Variants in SEC14L5 observed in about 807,000 individuals in gnomAD.
SEC14L5 encodes the protein SEC14-like protein 5.
SEC14L5 carries 96 observed loss-of-function variants against 84.6 expected under a neutral mutation model. The ratio of observed to expected loss-of-function variants is 1.13; its 90% confidence interval spans 0.96 to 1.34. SEC14L5 has a LOEUF of 1.34. Among genes scored for constraint, SEC14L5 ranks in the 40% most tolerant of loss-of-function variants. The pLI is 0.00. For missense variants in SEC14L5, 1,224 were observed against 942.5 expected (o/e 1.30, Z -3.91); for synonymous variants, 546 against 383.4 (o/e 1.42, Z -4.95).
Position 4,971,853 on chromosome 16 carries a change from G to A in SEC14L5, c.63+12467G>A, listed in dbSNP as rs78944815. Among the ~76,000 whole-genome samples the A allele has an allele frequency of 2.1e-3, 325 of 152,186 alleles. 3 individuals carry two copies. The highest frequency in any genetic ancestry group is 7.4e-3 in the African/African-American group (306 of 41,514). On this transcript the variant is annotated intron_variant, in intron 2 of 15. Coordinates refer to ENST00000251170, the MANE Select transcript of SEC14L5 (RefSeq NM_014692.2). Reference sequence around the variant, plus strand: ...TTCCTTTGAGAAATATTGGCTGAACGTCTACAATGTCCCAGGTGTTGTACA... The same window carrying A: ...TTCCTTTGAGAAATATTGGCTGAACATCTACAATGTCCCAGGTGTTGTACA...
At position 4,972,611 on chromosome 16, in the gene SEC14L5, T is replaced by A. The variant is rs74005427; in HGVS notation, c.63+13225T>A. ...AGTTGTCCTTTTGTCTCTGGCTCGT[T>A]TCACTGGACACAATGTCTTCCAGGT... On this transcript the variant is annotated intron_variant, in intron 2 of 15. Coordinates refer to ENST00000251170, the MANE Select transcript of SEC14L5 (RefSeq NM_014692.2). Among the ~76,000 whole-genome samples the A allele has an allele frequency of 9.0e-3, 1,368 of 152,336 alleles. 16 individuals carry two copies. Among genetic ancestry groups the A allele is most frequent in the African/African-American group, 0.031 (1,286 of 41,578 alleles).
chr16:4,981,771 C>T (rs1011124207), intron 2 of SEC14L5, among the ~76,000 whole-genome samples: 4 of 152,288 alleles, frequency 2.6e-5, no homozygotes, highest in East Asian at 3.9e-4. Flanking sequence ...GAGACATATA[C>T]GCACTTTCCA....
In SEC14L5 at chr16:5,014,913, C is replaced by A. The variant is rs537226718; in HGVS notation, c.2034C>A (p.Ala678=). The change falls in exon 16 of 16, where the codon GCC becomes GCA. Residue 678 remains alanine (A), a synonymous_variant. Transcript: ENST00000251170. ...CCAGCGGCTTCTCCCAGCTCAGCGCCGCCACCTCGTCCTCCTCCTCCGGCC... is the reference window on the plus strand; with the variant it reads ...CCAGCGGCTTCTCCCAGCTCAGCGCAGCCACCTCGTCCTCCTCCTCCGGCC... ...SCTSGFSQLS[A]ATSSSSSGQS... The A allele has an allele frequency of 6.2e-7, 1 of 1,613,362 alleles. No individual in the cohort carries two copies. Among genetic ancestry groups the A allele is most frequent in the Non-Finnish European group, 8.5e-7 (1 of 1,179,894 alleles).
At position 4,959,371 on chromosome 16, in the gene SEC14L5, T is replaced by A. The variant is rs746885604; in HGVS notation, c.48T>A (p.Phe16Leu). ...QSPVRVYKYP[F>L]ELVMAAYEKR... ...CTGTCCGAGTCTACAAGTACCCGTT[T>A]GAGCTGGTCATGGCGGTGAGTGACT... Residue 16 changes from phenylalanine to leucine, a missense_variant, in exon 2 of 16, where the codon TTT becomes TTA. By Grantham distance (22) the Phe-to-Leu change is conservative (BLOSUM62 0). Coordinates refer to ENST00000251170, the MANE Select transcript of SEC14L5 (RefSeq NM_014692.2). The A allele has an allele frequency of 6.2e-7, 1 of 1,612,158 alleles. No individual in the cohort carries two copies. Among genetic ancestry groups the A allele is most frequent in the Non-Finnish European group, 8.5e-7 (1 of 1,178,154 alleles).
chr16:5,015,743 G>GT lies in SEC14L5; in HGVS notation c.*774dup, dbSNP rs1405509721. The GT allele has an allele frequency of 1.3e-5, 2 of 152,324 alleles. No individual in the cohort carries two copies. The highest frequency in any genetic ancestry group is 2.9e-5 in the Non-Finnish European group (2 of 68,078). The allele number at this position is 152,324 out of a possible 1,614,324, so 9.4% of individuals were successfully genotyped here. The stretch of plus-strand genomic sequence containing the variant: ...TGATTGCATAACGTTCTGTTATGCA[G>GT]TATCAAGATGTGCTTGGTGAGCAGT... On this transcript the variant is annotated 3_prime_UTR_variant, in exon 16 of 16. Transcript: ENST00000251170.
chr16:5,001,617 CA>C (rs1390645970), intron 10 of SEC14L5, among the ~76,000 whole-genome samples: 1 of 152,142 alleles, frequency 6.6e-6, no homozygotes, highest in Non-Finnish European at 1.5e-5. Context: ...TCTGTCATGG[CA>C]CATCCAGGAA....
chr16:4,959,798 G>A (rs1568095920), intron 2 of SEC14L5, among the ~76,000 whole-genome samples: 1 of 152,280 alleles, frequency 6.6e-6, no homozygotes, highest in African/African-American at 2.4e-5. Context: ...TCCAATTCCC[G>A]ATAGCTGTTA....
At chr16:5,002,935 G>C in intron 10 of SEC14L5, among the ~76,000 whole-genome samples, 1 of 152,208 alleles carries the variant, frequency 6.6e-6, no homozygotes, top group East Asian at 1.9e-4. Flanking sequence ...TTTGCAATCA[G>C]ACCTTGGTGA....
chr16:4,961,984 G>GACAC (rs369403043), intron 2 of SEC14L5, among the ~76,000 whole-genome samples: 1 of 151,406 alleles, frequency 6.6e-6, no homozygotes, highest in African/African-American at 2.4e-5. Flanking sequence ...GAGGCAAACA[G>GACAC]ACACACACAC....
intron 8 of SEC14L5, 22 bp from the exon 9 acceptor site, chr16:5,000,632 TC>T (rs1314761506): frequency 6.5e-7 from 1 of 1,535,426 alleles, no homozygotes; most frequent in Non-Finnish European, 8.8e-7. Context: ...GGCTCTTCTT[TC>T]TGCTTGGCCC....
rs374961657 is a variant in SEC14L5 at position 4,990,799 on chromosome 16, C to T, written c.378C>T (p.Phe126=). The T allele has an allele frequency of 6.0e-5, 96 of 1,611,620 alleles. No individual in the cohort carries two copies. The Middle Eastern group carries it at 6.6e-4, about 11-fold the overall frequency. ...CTGAGAATGAAGACTGGACTTGCTTCGAGCAGTCTGCCTCACTGGACATTC... is the reference window on the plus strand; with the variant it reads ...CTGAGAATGAAGACTGGACTTGCTTTGAGCAGTCTGCCTCACTGGACATTC... ...VHPENEDWTC[F]EQSASLDIRS... The change falls in exon 5 of 16, where the codon TTC becomes TTT. Residue 126 remains phenylalanine (F), a synonymous_variant. Coordinates refer to ENST00000251170, the MANE Select transcript of SEC14L5 (RefSeq NM_014692.2).
In SEC14L5 at chr16:5,006,058, C is replaced by T. The variant is rs200745350; in HGVS notation, c.1437+10C>T. On this transcript the variant is annotated intron_variant, in intron 12 of 15. Coordinates refer to ENST00000251170, the MANE Select transcript of SEC14L5 (RefSeq NM_014692.2). ...TGGGGGAGAGAGTGTGGTGAGGCTT[C>T]CATGTCCACAGACAGACCTGGGCTT... 178 of 1,612,996 alleles carry T rather than the reference C, an allele frequency of 1.1e-4. No individual in the cohort carries two copies. The African/African-American group carries it at 2.1e-3, about 19-fold the overall frequency.
At chr16:5,008,732 G>C (rs924109707) in intron 14 of SEC14L5, 84 bp downstream of exon 14, 4 of 1,216,580 alleles carry the variant, frequency 3.3e-6, no homozygotes, top group Non-Finnish European at 3.5e-6. Context: ...ATACAGCGGA[G>C]GACATACTGG....
intron 2 of SEC14L5, among the ~76,000 whole-genome samples, chr16:4,971,728 T>G (rs1255903531): frequency 6.6e-6 from 1 of 152,198 alleles, no homozygotes; most frequent in Non-Finnish European, 1.5e-5. Context: ...AGACCGGTAC[T>G]TATGTGACTT....
intron 15 of SEC14L5, among the ~76,000 whole-genome samples, chr16:5,013,637 C>T (rs995647655): frequency 2.1e-5 from 3 of 144,770 alleles, no homozygotes; most frequent in African/African-American, 7.7e-5. Flanking sequence ...CTACTCACTG[C>T]AACCTCCGCC....
In SEC14L5 at chr16:5,000,020, G is replaced by C. The variant is rs143467470; in HGVS notation, c.971-635G>C. ...CAAAAAGTATTATGGGGCCAGCTGCGGTGGCTCATGCCTGTGATCCCAACA... is the reference window on the plus strand; with the variant it reads ...CAAAAAGTATTATGGGGCCAGCTGCCGTGGCTCATGCCTGTGATCCCAACA... On this transcript the variant is annotated intron_variant, in intron 8 of 15. Transcript: ENST00000251170. Among the ~76,000 whole-genome samples, 443 of 152,174 alleles carry C rather than the reference G, an allele frequency of 2.9e-3. 3 individuals carry two copies. The highest frequency in any genetic ancestry group is 9.9e-3 in the African/African-American group (413 of 41,538).
intron 2 of SEC14L5, among the ~76,000 whole-genome samples, chr16:4,969,299 G>C (rs1244093280): frequency 6.6e-6 from 1 of 152,098 alleles, no homozygotes; most frequent in Non-Finnish European, 1.5e-5. Context: ...TTGAGTTTTT[G>C]CTGTGTGCCG....
intron 2 of SEC14L5, among the ~76,000 whole-genome samples, chr16:4,974,427 C>A (rs376877113): frequency 6.6e-6 from 1 of 151,968 alleles, no homozygotes; most frequent in Non-Finnish European, 1.5e-5. Flanking sequence ...TGGTCTTGAA[C>A]GCCTGGGCTT....
intron 6 of SEC14L5, among the ~76,000 whole-genome samples, chr16:4,993,646 A>T (rs1168305806): frequency 6.6e-6 from 1 of 152,246 alleles, no homozygotes; most frequent in Non-Finnish European, 1.5e-5. Flanking sequence ...ACATGTGAGT[A>T]CTTAATAATT....
Sources: gnomAD v4.1 joint callset for allele counts (sites outside exome capture counted in the v4.1 genomes callset) on GRCh38, gnomAD v4.1.1 for gene constraint, MANE v1.5 for transcripts, NCBI Gene and HGNC (gene_info 2026-07-23, HGNC 2026-07-21) for gene names.